The following LINGO2 variants were observed in gnomAD, a reference collection of about 807,000 sequenced individuals.
LINGO2 encodes leucine-rich repeat and immunoglobulin-like domain-containing nogo receptor-interacting protein 2.
A neutral mutation model predicts 30.6 loss-of-function variants in LINGO2; 14 were observed. The ratio of observed to expected loss-of-function variants is 0.46; its 90% CI spans 0.30 to 0.72. The LOEUF (loss-of-function observed/expected upper bound fraction) is 0.72. Among genes scored for constraint, LINGO2 ranks in the 30% least tolerant of loss-of-function variants. The probability of loss-of-function intolerance (pLI) is 0.07; values close to 1 mark genes in which losing one functional copy is unlikely to be tolerated. For missense variants in LINGO2, 729 were observed against 751.7 expected, an observed-to-expected ratio of 0.97 and a Z score of 0.35; for synonymous variants, 317 against 288.5, an observed-to-expected ratio of 1.10 and a Z score of -1.00.
the LINGO2 span, among the ~76,000 whole-genome samples, chr9:28,813,978 C>G: frequency 6.6e-6 from 1 of 152,012 alleles, no homozygotes; most frequent in African/African-American, 2.4e-5. Context: ...TAAAAAGAAG[C>G]AGAAGACAGA....
intron 4 of LINGO2, among the ~76,000 whole-genome samples, chr9:28,062,696 T>TAAAAAATCAA (rs1323555554): frequency 6.7e-6 from 1 of 148,796 alleles, no homozygotes. Flanking sequence ...TTTGTATATA[T>TAAAAAATCAA]ATATACAAAA....
At chr9:28,975,760 G>T in the LINGO2 span, among the ~76,000 whole-genome samples, 1 of 152,078 alleles carries the variant, frequency 6.6e-6, no homozygotes, top group Non-Finnish European at 1.5e-5. Context: ...GTGTCCTATG[G>T]AATTACACAA....
intron 4 of LINGO2, among the ~76,000 whole-genome samples, chr9:28,179,491 T>C (rs1249281241): frequency 1.5e-5 from 2 of 135,600 alleles, no homozygotes. Context: ...TTATAGTATA[T>C]ATACTATATA....
At chr9:28,928,265 A>G in the LINGO2 span, among the ~76,000 whole-genome samples, 1 of 152,216 alleles carries the variant, frequency 6.6e-6, no homozygotes, top group South Asian at 2.1e-4. Context: ...GCACATAGCT[A>G]CAGAGACTTT....
At chr9:28,834,380 G>A in the LINGO2 span, among the ~76,000 whole-genome samples, 1 of 152,156 alleles carries the variant, frequency 6.6e-6, no homozygotes, top group Non-Finnish European at 1.5e-5. Flanking sequence ...TCCACATAGA[G>A]ATGCCAGGAA....
intron 4 of LINGO2, among the ~76,000 whole-genome samples, chr9:28,123,663 A>T (rs567110544): frequency 6.8e-6 from 1 of 147,334 alleles, no homozygotes; most frequent in East Asian, 2.0e-4. Context: ...CATTTAAAAA[A>T]TATTTGATTT....
chr9:28,087,781 A>G (rs1052802770), intron 4 of LINGO2, among the ~76,000 whole-genome samples: 13 of 152,036 alleles, frequency 8.6e-5, no homozygotes, highest in Admixed American at 4.6e-4. Flanking sequence ...TCATTGGTAC[A>G]TATTTCCAGA....
intron 4 of LINGO2, among the ~76,000 whole-genome samples, chr9:28,259,487 T>A (rs1020039283): frequency 6.6e-6 from 1 of 151,586 alleles, no homozygotes; most frequent in Non-Finnish European, 1.5e-5. Context: ...TAGCTTGGGG[T>A]CTGAGTTGGT....
At chr9:28,247,636 G>A (rs1822051088) in intron 4 of LINGO2, among the ~76,000 whole-genome samples, 4 of 152,016 alleles carry the variant, frequency 2.6e-5, no homozygotes, top group African/African-American at 9.7e-5. Context: ...AAGACAAATA[G>A]CTAATGCATG....
At chr9:28,787,970 T>C in the LINGO2 span, among the ~76,000 whole-genome samples, 1 of 152,286 alleles carries the variant, frequency 6.6e-6, no homozygotes, top group Admixed American at 6.5e-5. Flanking sequence ...CTAAATTCAC[T>C]AACCATCAGT....
intron 4 of LINGO2, among the ~76,000 whole-genome samples, chr9:28,152,818 A>T (rs996590468): frequency 2.0e-5 from 3 of 152,220 alleles, no homozygotes; most frequent in African/African-American, 7.2e-5. Context: ...AAAATGCTTG[A>T]AACATGACAA....
At chr9:28,464,308 C>CT (rs1825209891) in intron 2 of LINGO2, among the ~76,000 whole-genome samples, 1 of 152,116 alleles carries the variant, frequency 6.6e-6, no homozygotes, top group Non-Finnish European at 1.5e-5. Context: ...AATCAGAAGG[C>CT]TTTTCCATGT....
intron 4 of LINGO2, among the ~76,000 whole-genome samples, chr9:28,250,179 T>C (rs914829220): frequency 6.6e-5 from 10 of 152,202 alleles, no homozygotes; most frequent in African/African-American, 2.4e-4. Flanking sequence ...AGTCACATCC[T>C]TCTGAGCTCC....
At chr9:29,209,438 A>G in the LINGO2 span, among the ~76,000 whole-genome samples, 1 of 152,182 alleles carries the variant, frequency 6.6e-6, no homozygotes, top group Admixed American at 6.5e-5. Context: ...TGGACTGACC[A>G]TTATAAAGTA....
the LINGO2 span, among the ~76,000 whole-genome samples, chr9:28,956,419 T>C: frequency 6.6e-5 from 10 of 152,148 alleles, no homozygotes; most frequent in African/African-American, 2.2e-4. Flanking sequence ...TTTATTAAAG[T>C]GACAGGTTTT....
At chr9:28,769,506 ATATATAT>A in the LINGO2 span, among the ~76,000 whole-genome samples, 1 of 2,874 alleles carries the variant, frequency 3.5e-4, no homozygotes, top group Non-Finnish European at 7.9e-4. Context: ...ATATATATAT[ATATATAT>A]ATATATTTTT....
chr9:29,198,880 A>T, the LINGO2 span, among the ~76,000 whole-genome samples: 2 of 152,244 alleles, frequency 1.3e-5, 1 homozygote, highest in East Asian at 3.9e-4. Context: ...TTACGCATGT[A>T]ACTGGACGAA....
chr9:28,900,046 G>A, the LINGO2 span, among the ~76,000 whole-genome samples: 1 of 152,162 alleles, frequency 6.6e-6, no homozygotes, highest in African/African-American at 2.4e-5. Context: ...CTAGCTTCTA[G>A]GCCAGCCATT....
chr9:28,200,955 G>C (rs1820209040), intron 4 of LINGO2, among the ~76,000 whole-genome samples: 2 of 149,986 alleles, frequency 1.3e-5, no homozygotes, highest in Non-Finnish European at 3.0e-5. Flanking sequence ...CAAGACTCCT[G>C]ACCTGGTTAC....
Sources: gnomAD v4.1 joint callset for allele counts (sites outside exome capture counted in the v4.1 genomes callset) on GRCh38, gnomAD v4.1.1 for gene constraint, MANE v1.5 for transcripts, NCBI Gene and HGNC (gene_info 2026-07-23, HGNC 2026-07-21) for gene names.